ADAMTS12: variants seen among roughly 807,000 people sequenced by gnomAD.
ADAMTS12 encodes the protein A disintegrin and metalloproteinase with thrombospondin motifs 12.
A neutral mutation model predicts 167.8 loss-of-function variants in ADAMTS12; 118 were observed. That is an observed-to-expected ratio of 0.70 (90% CI 0.61 to 0.82). ADAMTS12 has a LOEUF of 0.82. Ranked by LOEUF, ADAMTS12 falls within the 40% of genes least tolerant of loss-of-function variation. The pLI, the probability that ADAMTS12 is intolerant of heterozygous loss-of-function variation, is 0.00. For missense variants in ADAMTS12, 1,916 were observed against 1,998.8 expected, an observed-to-expected ratio of 0.96 and a Z score of 0.79; for synonymous variants, 704 against 716.9, an observed-to-expected ratio of 0.98 and a Z score of 0.29.
At chr5:33,820,886 C>T (rs1386384417) in intron 2 of ADAMTS12, among the ~76,000 whole-genome samples, 1 of 152,142 alleles carries the variant, frequency 6.6e-6, no homozygotes, top group Non-Finnish European at 1.5e-5. Flanking sequence ...AAACCAAATA[C>T]GGCATGTTCT....
chr5:33,573,463 G>C (rs1239640218), intron 19 of ADAMTS12, among the ~76,000 whole-genome samples: 2 of 152,150 alleles, frequency 1.3e-5, no homozygotes, highest in Non-Finnish European at 2.9e-5. Context: ...ACAACTATCT[G>C]ATCTTTGACA....
At chr5:33,830,750 C>G (rs1579973116) in intron 2 of ADAMTS12, among the ~76,000 whole-genome samples, 1 of 152,106 alleles carries the variant, frequency 6.6e-6, no homozygotes, top group African/African-American at 2.4e-5. Context: ...CATGATTACA[C>G]CACCGCACTC....
chr5:33,573,979 A>G (rs1167570207), intron 19 of ADAMTS12, among the ~76,000 whole-genome samples: 1 of 152,274 alleles, frequency 6.6e-6, no homozygotes, highest in Non-Finnish European at 1.5e-5. Flanking sequence ...TTATGCAGCC[A>G]AAAGACACAT....
intron 6 of ADAMTS12, among the ~76,000 whole-genome samples, chr5:33,661,405 G>T (rs552035507): frequency 2.6e-4 from 40 of 152,288 alleles, no homozygotes; most frequent in African/African-American, 9.1e-4. Context: ...ATGGGAGAAA[G>T]ATGTAACCAA....
intron 2 of ADAMTS12, among the ~76,000 whole-genome samples, chr5:33,755,185 A>C (rs1745125991): frequency 6.6e-6 from 1 of 152,216 alleles, no homozygotes; most frequent in Non-Finnish European, 1.5e-5. Flanking sequence ...ATATACGCAC[A>C]AACACAAAAA....
At chr5:33,569,373 C>G (rs191751403) in intron 19 of ADAMTS12, among the ~76,000 whole-genome samples, 1 of 152,204 alleles carries the variant, frequency 6.6e-6, no homozygotes, top group Non-Finnish European at 1.5e-5. Context: ...ACACCTCACA[C>G]GGTCAGGTAC....
chr5:33,679,576 G>A (rs987125487), intron 5 of ADAMTS12, among the ~76,000 whole-genome samples: 3 of 152,112 alleles, frequency 2.0e-5, no homozygotes, highest in Non-Finnish European at 4.4e-5. Flanking sequence ...TAGCCTAACC[G>A]TATCACTTCC....
intron 5 of ADAMTS12, among the ~76,000 whole-genome samples, chr5:33,666,839 G>GT (rs1741489630): frequency 6.6e-6 from 1 of 152,160 alleles, no homozygotes; most frequent in African/African-American, 2.4e-5. Context: ...GCTATTAGGT[G>GT]TGTTTACTCT....
At chr5:33,602,436 T>G (rs1261206243) in intron 16 of ADAMTS12, among the ~76,000 whole-genome samples, 6 of 152,344 alleles carry the variant, frequency 3.9e-5, no homozygotes, top group Admixed American at 3.3e-4. Context: ...AATAATTTAA[T>G]TCCATTGAAA....
At chr5:33,633,962 C>G (rs961275326) in intron 12 of ADAMTS12, among the ~76,000 whole-genome samples, 2 of 152,060 alleles carry the variant, frequency 1.3e-5, no homozygotes, top group Non-Finnish European at 2.9e-5. Flanking sequence ...AACTAATTTA[C>G]TAGTGAACTC....
intron 2 of ADAMTS12, among the ~76,000 whole-genome samples, chr5:33,850,125 T>C (rs1749167749): frequency 6.6e-6 from 1 of 152,202 alleles, no homozygotes; most frequent in Non-Finnish European, 1.5e-5. Flanking sequence ...TACCATATCG[T>C]CTGTACGGAG....
intron 18 of ADAMTS12, among the ~76,000 whole-genome samples, chr5:33,579,218 T>C (rs1338711906): frequency 6.6e-6 from 1 of 152,206 alleles, no homozygotes; most frequent in African/African-American, 2.4e-5. Context: ...TACATTCTAA[T>C]CTGAACTTCT....
chr5:33,874,040 C>G (rs888937926), intron 2 of ADAMTS12, among the ~76,000 whole-genome samples: 1 of 151,862 alleles, frequency 6.6e-6, no homozygotes, highest in Non-Finnish European at 1.5e-5. Context: ...GATACAACAT[C>G]AAAGGAATTA....
intron 2 of ADAMTS12, among the ~76,000 whole-genome samples, chr5:33,871,966 G>A (rs1750051983): frequency 6.6e-6 from 1 of 152,114 alleles, no homozygotes. Flanking sequence ...TAGATGAAAT[G>A]AAACAATTCC....
intron 2 of ADAMTS12, among the ~76,000 whole-genome samples, chr5:33,836,230 C>T (rs937037675): frequency 1.1e-4 from 16 of 152,058 alleles, no homozygotes; most frequent in Non-Finnish European, 1.8e-4. Flanking sequence ...TGTTCACCAG[C>T]CACAAAAGAC....
chr5:33,601,639 T>C (rs1738194129), intron 16 of ADAMTS12, among the ~76,000 whole-genome samples: 1 of 152,194 alleles, frequency 6.6e-6, no homozygotes, highest in Admixed American at 6.5e-5. Flanking sequence ...TTCATTTTTA[T>C]TTCCTAGCTC....
intron 2 of ADAMTS12, among the ~76,000 whole-genome samples, chr5:33,772,912 T>C (rs1745797268): frequency 6.6e-6 from 1 of 152,212 alleles, no homozygotes. Flanking sequence ...ACACTGTGGA[T>C]GCACAAAAGA....
chr5:33,674,737 TTGTC>T (rs769429447), intron 5 of ADAMTS12, among the ~76,000 whole-genome samples: 1 of 152,134 alleles, frequency 6.6e-6, no homozygotes, highest in Non-Finnish European at 1.5e-5. Flanking sequence ...ATAAAGTCCT[TTGTC>T]TGTGACTCAG....
intron 2 of ADAMTS12, among the ~76,000 whole-genome samples, chr5:33,809,275 C>T (rs1187454791): frequency 1.3e-5 from 2 of 152,152 alleles, no homozygotes; most frequent in African/African-American, 2.4e-5. Flanking sequence ...TGCTGCCGGT[C>T]CTTGGACCAC....
Sources: allele counts gnomAD v4.1 joint callset (sites outside exome capture counted in the v4.1 genomes callset), GRCh38; gene constraint gnomAD v4.1.1; transcripts MANE v1.5; gene names NCBI Gene and HGNC (gene_info 2026-07-23, HGNC 2026-07-21).